The following LOC128462377 variants were observed in gnomAD, a reference collection of about 807,000 sequenced individuals.
the LOC128462377 span, among the ~76,000 whole-genome samples, chr16:89,365,942 T>C: frequency 2.0e-5 from 3 of 152,084 alleles, no homozygotes; most frequent in Non-Finnish European, 2.9e-5. Flanking sequence ...TTCCCATTCA[T>C]AAGTGACAAC....
chr16:89,393,773 T>C, the LOC128462377 span, among the ~76,000 whole-genome samples: 1 of 152,130 alleles, frequency 6.6e-6, no homozygotes, highest in South Asian at 2.1e-4. Flanking sequence ...TTCTGGAATC[T>C]GGCAGAGCTC....
the LOC128462377 span, among the ~76,000 whole-genome samples, chr16:89,393,313 T>A: frequency 4.5e-3 from 667 of 149,594 alleles, 10 homozygotes; most frequent in East Asian, 0.042. Flanking sequence ...TTTTTATTTT[T>A]ATTTTTTTTT....
At chr16:89,402,309 A>G in the LOC128462377 span, among the ~76,000 whole-genome samples, 9 of 152,268 alleles carry the variant, frequency 5.9e-5, no homozygotes, top group East Asian at 1.7e-3. Context: ...CAGCGATACT[A>G]ATGTACAGTT....
chr16:89,353,350 A>AAAGAG, the LOC128462377 span, among the ~76,000 whole-genome samples: 2 of 149,558 alleles, frequency 1.3e-5, no homozygotes, highest in African/African-American at 4.9e-5. Flanking sequence ...TCCAAAAAAA[A>AAAGAG]AGAGAGAGAG....
At chr16:89,415,846 A>AAAAAAAAAAAAAAAAAAT in the LOC128462377 span, among the ~76,000 whole-genome samples, 2 of 146,378 alleles carry the variant, frequency 1.4e-5, no homozygotes, top group Admixed American at 6.9e-5. Context: ...AAAAAAAAAA[A>AAAAAAAAAAAAAAAAAAT]AAAACAATGG....
the LOC128462377 span, among the ~76,000 whole-genome samples, chr16:89,334,667 C>T: frequency 6.6e-6 from 1 of 152,106 alleles, no homozygotes; most frequent in African/African-American, 2.4e-5. Flanking sequence ...GCCACATCCA[C>T]GAGGGCCCAG....
the LOC128462377 span, among the ~76,000 whole-genome samples, chr16:89,348,410 C>T: frequency 6.6e-6 from 1 of 152,120 alleles, no homozygotes; most frequent in African/African-American, 2.4e-5. Context: ...CTTAAATTTA[C>T]ATCAGTATTA....
chr16:89,405,429 T>C, the LOC128462377 span, among the ~76,000 whole-genome samples: 1 of 150,858 alleles, frequency 6.6e-6, no homozygotes, highest in South Asian at 2.1e-4. Context: ...GCTCAGGCGA[T>C]CCTCCCACCT....
chr16:89,322,692 G>A, the LOC128462377 span, among the ~76,000 whole-genome samples: 1 of 152,248 alleles, frequency 6.6e-6, no homozygotes, highest in Non-Finnish European at 1.5e-5. Context: ...GTGGGGAAGG[G>A]GGAGTGAGGA....
the LOC128462377 span, among the ~76,000 whole-genome samples, chr16:89,387,188 G>A: frequency 6.6e-6 from 1 of 151,846 alleles, no homozygotes; most frequent in Non-Finnish European, 1.5e-5. Context: ...TAAGGACACT[G>A]CTCAGCAAGG....
the LOC128462377 span, among the ~76,000 whole-genome samples, chr16:89,390,604 G>A: frequency 6.6e-6 from 1 of 152,092 alleles, no homozygotes; most frequent in East Asian, 1.9e-4. Flanking sequence ...ACATCACAGA[G>A]GTGAAAAGAA....
At chr16:89,388,293 A>ATTTTTTTTTTTTT in the LOC128462377 span, among the ~76,000 whole-genome samples, 179 of 85,280 alleles carry the variant, frequency 2.1e-3, 27 homozygotes, top group Non-Finnish European at 2.6e-3. Context: ...CATGAGGCTG[A>ATTTTTTTTTTTTT]TTTTTTTTTT....
chr16:89,411,921 G>C, the LOC128462377 span, among the ~76,000 whole-genome samples: 2,585 of 77,816 alleles, frequency 0.033, no homozygotes, highest in Middle Eastern at 0.12. Context: ...AGGTACTGGG[G>C]TGAGATGCCT....
chr16:89,337,429 C>CTTTTTTTTTTTTTTTT, the LOC128462377 span, among the ~76,000 whole-genome samples: 28 of 53,134 alleles, frequency 5.3e-4, 8 homozygotes, highest in East Asian at 1.6e-3. Flanking sequence ...CTAAGCAATT[C>CTTTTTTTTTTTTTTTT]TTTTTTTTTT....
At chr16:89,396,466 C>T in the LOC128462377 span, among the ~76,000 whole-genome samples, 189 of 152,204 alleles carry the variant, frequency 1.2e-3, no homozygotes, top group African/African-American at 4.4e-3. Context: ...GTTTTGGTGT[C>T]GTATCAATGA....
the LOC128462377 span, among the ~76,000 whole-genome samples, chr16:89,366,082 A>C: frequency 8.1e-5 from 12 of 147,528 alleles, no homozygotes; most frequent in Admixed American, 7.6e-4. Context: ...GTGAGCTAAA[A>C]TGGCGCCACT....
At chr16:89,399,819 AG>A in the LOC128462377 span, among the ~76,000 whole-genome samples, 1 of 152,074 alleles carries the variant, frequency 6.6e-6, no homozygotes, top group Non-Finnish European at 1.5e-5. Flanking sequence ...CTTTTTTTAA[AG>A]TGACCATCCT....
At chr16:89,376,170 G>C in the LOC128462377 span, among the ~76,000 whole-genome samples, 1 of 152,200 alleles carries the variant, frequency 6.6e-6, no homozygotes, top group East Asian at 1.9e-4. Context: ...TGTGGGTGCA[G>C]GATTGCTATA....
chr16:89,407,830 A>C, the LOC128462377 span, among the ~76,000 whole-genome samples: 1 of 138,784 alleles, frequency 7.2e-6, no homozygotes, highest in Non-Finnish European at 1.5e-5. Flanking sequence ...CACCTGAGTG[A>C]GAGTCAGATC....
Sources: gnomAD v4.1 joint callset for allele counts (sites outside exome capture counted in the v4.1 genomes callset) on GRCh38, gnomAD v4.1.1 for gene constraint, MANE v1.5 for transcripts.